Variants in DNAH14 observed in about 807,000 individuals in gnomAD.
DNAH14 encodes axonemal beta dynein heavy chain 14.
In DNAH14, 478 loss-of-function variants were observed where a neutral mutation model predicts 520.9. The ratio of observed to expected loss-of-function variants is 0.92; its 90% CI spans 0.85 to 0.99. The LOEUF (loss-of-function observed/expected upper bound fraction) is 0.99, where lower values mean the gene tolerates loss of function less well. DNAH14 is among the 50% of genes least tolerant of loss of function. The pLI is 0.00. For synonymous variants in DNAH14, 1,581 were observed against 1,757.2 expected (o/e 0.90, Z 2.51); for missense variants, 4,831 against 5,234.5 (o/e 0.92, Z 2.38).
chr1:224,991,599 C>G (rs1334799482), intron 8 of DNAH14, among the ~76,000 whole-genome samples: 1 of 152,080 alleles, frequency 6.6e-6, no homozygotes, highest in Non-Finnish European at 1.5e-5. Context: ...CCTCAGCCGC[C>G]TGAGTAGCTG....
intron 19 of DNAH14, among the ~76,000 whole-genome samples, chr1:225,081,802 G>C (rs1430557383): frequency 6.6e-6 from 1 of 152,112 alleles, no homozygotes; most frequent in Non-Finnish European, 1.5e-5. Flanking sequence ...CCACTCCATA[G>C]GTTTTGAATC....
intron 38 of DNAH14, 74 bp from the exon 39 acceptor site, chr1:225,204,109 A>G: frequency 1.3e-6 from 1 of 742,672 alleles, no homozygotes; most frequent in East Asian, 3.3e-5. Flanking sequence ...AAGAAAGCAT[A>G]TTGACATATA....
At chr1:224,935,357 C>A (rs752052738) in intron 1 of DNAH14, among the ~76,000 whole-genome samples, 6 of 151,526 alleles carry the variant, frequency 4.0e-5, no homozygotes, top group Admixed American at 2.0e-4. Context: ...TTATCAGTAA[C>A]GACACATATA....
chr1:225,066,038 GATA>G (rs2070845856), intron 17 of DNAH14, among the ~76,000 whole-genome samples: 1 of 151,974 alleles, frequency 6.6e-6, no homozygotes, highest in African/African-American at 2.4e-5. Flanking sequence ...TCATCATTTT[GATA>G]ATAACTATTC....
chr1:225,044,067 G>C, intron 15 of DNAH14, 84 bp downstream of exon 15: 1 of 746,614 alleles, frequency 1.3e-6, no homozygotes, highest in Non-Finnish European at 2.2e-6. Context: ...CCTTTACCCA[G>C]GGATGTGGCA....
At chr1:225,294,969 C>T (rs1313093052) in intron 55 of DNAH14, among the ~76,000 whole-genome samples, 1 of 151,922 alleles carries the variant, frequency 6.6e-6, no homozygotes, top group Non-Finnish European at 1.5e-5. Flanking sequence ...CTCAGGTTTT[C>T]TATTTCTTCT....
intron 35 of DNAH14, among the ~76,000 whole-genome samples, chr1:225,165,570 T>G (rs367888964): frequency 1.1e-4 from 16 of 150,498 alleles, no homozygotes; most frequent in Admixed American, 2.6e-4. Context: ...TACTTGTTTG[T>G]TTGGTTGGTT....
At position 225,217,754 on chromosome 1, in the gene DNAH14, C is replaced by T. The variant is rs552850670; in HGVS notation, c.6439+10534C>T. 9.2e-5 allele frequency among the ~76,000 whole-genome samples: 14 copies of T among 152,250 alleles called. 1 individual carries two copies. The highest frequency in any genetic ancestry group is 1.2e-4 in the Non-Finnish European group (8 of 68,028). ...CCATTTGCTAAGGCCGTTGCAGAAG[C>T]GCAGTATTAGGGTAGGAGTGTCCCG... On this transcript the variant is annotated intron_variant, in intron 41 of 85. Transcript: ENST00000682510.
At chr1:225,157,831 A>G (rs1315374204) in intron 34 of DNAH14, among the ~76,000 whole-genome samples, 1 of 152,212 alleles carries the variant, frequency 6.6e-6, no homozygotes, top group Non-Finnish European at 1.5e-5. Flanking sequence ...ATTCAGAAGA[A>G]AGACTCAGCG....
chr1:225,003,921 A>G (rs1476517065), intron 9 of DNAH14, among the ~76,000 whole-genome samples: 1 of 152,098 alleles, frequency 6.6e-6, no homozygotes, highest in East Asian at 1.9e-4. Flanking sequence ...TTAATTTTTA[A>G]TGATGGGTGG....
chr1:225,086,156 A>T (rs1431405713), intron 21 of DNAH14, among the ~76,000 whole-genome samples: 1 of 151,614 alleles, frequency 6.6e-6, no homozygotes, highest in East Asian at 1.9e-4. Context: ...TTTTTGAGAC[A>T]GAGTCTTACT....
intron 35 of DNAH14, among the ~76,000 whole-genome samples, 153 bp from the exon 36 acceptor site, chr1:225,167,786 A>G (rs531748419): frequency 5.3e-5 from 8 of 152,340 alleles, no homozygotes; most frequent in African/African-American, 1.9e-4. Context: ...AGTTTTTACT[A>G]TTCTCAGAGA....
chr1:225,307,515 A>T lies in DNAH14; in HGVS notation c.9060A>T (p.Thr3020=). 1 of 1,547,758 alleles carries T rather than the reference A, an allele frequency of 6.5e-7. No individual in the cohort carries two copies. The highest frequency in any genetic ancestry group is 8.7e-7 in the Non-Finnish European group (1 of 1,145,868). Reference sequence around the variant, plus strand: ...TCCTGGAAGCAACCACTCTAGTTACAGAAATGCAAGAAGAGCTCTTGATTC... The same window carrying T: ...TCCTGGAAGCAACCACTCTAGTTACTGAAATGCAAGAAGAGCTCTTGATTC... ...STILEATTLV[T]EMQEELLILG... The change falls in exon 59 of 86, where the codon ACA becomes ACT. Residue 3020 remains threonine, a synonymous_variant. Coordinates refer to ENST00000682510, the MANE Select transcript of DNAH14 (RefSeq NM_001367479.1).
Position 225,165,042 on chromosome 1 carries a change from G to A in DNAH14, c.5446-2897G>A, listed in dbSNP as rs188845775. Among the ~76,000 whole-genome samples the A allele has an allele frequency of 3.5e-3, 535 of 152,070 alleles. 4 individuals are homozygous for A. The highest frequency in any genetic ancestry group is 0.012 in the African/African-American group (518 of 41,474). On this transcript the variant is annotated intron_variant, in intron 35 of 85. Transcript: ENST00000682510. ...AGTTCTCAGAGTAGGTTTTTGTGTA[G>A]CAAACCTTCTGAGAACTTTAATATT...
At chr1:225,046,589 A>C (rs545842199) in intron 15 of DNAH14, among the ~76,000 whole-genome samples, 1 of 152,262 alleles carries the variant, frequency 6.6e-6, no homozygotes, top group African/African-American at 2.4e-5. Context: ...TTGAAATGCC[A>C]CATTTATCAT....
At chr1:225,251,967 G>A (rs2092570762) in intron 43 of DNAH14, among the ~76,000 whole-genome samples, 1 of 152,104 alleles carries the variant, frequency 6.6e-6, no homozygotes, top group South Asian at 2.1e-4. Context: ...AAAGTTCTCT[G>A]ATATATTGGT....
rs762760064 is a variant in DNAH14, at chr1:224,955,074, T to C, written c.193T>C (p.Ser65Pro). 6.2e-7 allele frequency: 1 copy of C among 1,609,978 alleles called. No homozygotes were observed. Among genetic ancestry groups the C allele is most frequent in the South Asian group, 1.1e-5 (1 of 89,938 alleles). ...EYKTVRTFSESLKSEKTEDYL... is the reference protein window; with the variant it reads ...EYKTVRTFSEPLKSEKTEDYL... ...TAAAACAGTTAGAACATTCTCTGAA[T>C]CTTTGAAGTCAGAGAAAACAGAAGG... The change falls in exon 3 of 86, where the codon TCT becomes CCT. Residue 65 changes from serine (S) to proline (P), a missense_variant. Transcript: ENST00000682510.
At chr1:225,128,033 G>A (rs972843972) in intron 27 of DNAH14, among the ~76,000 whole-genome samples, 2 of 152,094 alleles carry the variant, frequency 1.3e-5, no homozygotes, top group African/African-American at 4.8e-5. Flanking sequence ...GTTGAATATT[G>A]GCCCCCACTC....
rs1341442029 is a variant in DNAH14 at position 225,258,009 on chromosome 1, G to T, written c.6915G>T (p.Lys2305Asn). ...NLQRSGGNFL[K>N]ITECGECINY... ...AAAGATCTGGCGGAAACTTCTTGAA[G>T]ATAACAGAATGTGGAGAATGCATTA... is the stretch of plus-strand genomic sequence containing the variant. The change falls in exon 45 of 86, where the codon AAG (lysine) becomes AAT (asparagine). Residue 2305 changes from lysine (K) to asparagine (N), a missense_variant. Physicochemically the swap from Lys to Asn is moderately conservative, Grantham distance 94 (BLOSUM62 0). Coordinates refer to ENST00000682510, the MANE Select transcript of DNAH14 (RefSeq NM_001367479.1). 6.5e-7 allele frequency: 1 copy of T among 1,549,574 alleles called. No homozygotes were observed. The highest frequency in any genetic ancestry group is 2.0e-5 in the Admixed American group (1 of 50,642).
Sources: gnomAD v4.1 joint callset for allele counts (sites outside exome capture counted in the v4.1 genomes callset) on GRCh38, gnomAD v4.1.1 for gene constraint, MANE v1.5 for transcripts, NCBI Gene and HGNC (gene_info 2026-07-23, HGNC 2026-07-21) for gene names.